GPR161: variants seen among roughly 807,000 people sequenced by gnomAD.
GPR161 encodes the protein G protein-coupled receptor 161.
Under a neutral mutation model 39.2 loss-of-function variants are expected in GPR161, and 25 were observed. The ratio of observed to expected loss-of-function variants is 0.64; its 90% CI spans 0.47 to 0.89. The LOEUF (loss-of-function observed/expected upper bound fraction) is 0.89, where lower values mean the gene tolerates loss of function less well. GPR161 is among the 40% of genes least tolerant of loss of function. The pLI is 0.00. For synonymous variants in GPR161, 286 were observed against 276.6 expected (o/e 1.03, Z -0.34); for missense variants, 547 against 677.8 (o/e 0.81, Z 2.14).
At position 168,132,214 on chromosome 1, in the gene GPR161, G is replaced by A. The variant is rs539705874; in HGVS notation, c.-45+4525C>T. ...CAGGAGGTGGATGTTGCAGTGAGCC[G>A]AGATCATGCCACTGCACTCCAGCCT... On this transcript the variant is annotated intron_variant, in intron 1 of 5. Coordinates refer to ENST00000682931, the MANE Select transcript of GPR161 (RefSeq NM_001375883.1). Among the ~76,000 whole-genome samples, 72 of 152,152 alleles carry A rather than the reference G, an allele frequency of 4.7e-4. No homozygotes were observed. In the East Asian group the frequency reaches 4.8e-3, roughly 10 times the overall value.
At chr1:168,124,176 A>G (rs978796559) in intron 1 of GPR161, among the ~76,000 whole-genome samples, 2 of 152,148 alleles carry the variant, frequency 1.3e-5, no homozygotes, top group African/African-American at 4.8e-5. Context: ...CACTGCTGCA[A>G]CCCTAACTTG....
At chr1:168,132,048 G>A (rs1019610481) in intron 1 of GPR161, among the ~76,000 whole-genome samples, 10 of 152,122 alleles carry the variant, frequency 6.6e-5, no homozygotes, top group African/African-American at 2.2e-4. Context: ...GCAAATCCCC[G>A]GAGGTCAGGA....
chr1:168,116,244 T>G (rs559037899), intron 1 of GPR161, among the ~76,000 whole-genome samples: 1 of 152,318 alleles, frequency 6.6e-6, no homozygotes, highest in Non-Finnish European at 1.5e-5. Flanking sequence ...CTGACCAGCC[T>G]GCAGCACTGG....
At chr1:168,102,228 G>C (rs181491634) in intron 2 of GPR161, among the ~76,000 whole-genome samples, 248 of 152,322 alleles carry the variant, frequency 1.6e-3, no homozygotes, top group African/African-American at 5.5e-3. Context: ...CAGTCAGAAG[G>C]GGCCTCTCCA....
chr1:168,114,176 C>T (rs1341858136), intron 1 of GPR161, among the ~76,000 whole-genome samples: 1 of 152,080 alleles, frequency 6.6e-6, no homozygotes, highest in African/African-American at 2.4e-5. Context: ...TTTGTGGTCT[C>T]ATATTTTTAC....
chr1:168,104,562 C>T lies in GPR161; in HGVS notation c.289G>A (p.Val97Ile). Residue 97 changes from valine (V) to isoleucine (I), a missense_variant, in exon 2 of 6, where the codon GTA (valine) becomes ATA (isoleucine). Physicochemically the swap from Val to Ile is conservative, Grantham distance 29 (BLOSUM62 3). Transcript: ENST00000682931. ...SSIRREWIFG[V>I]VWCNFSALLY... Reference sequence around the variant, plus strand: ...AGGGCAGAGAAGTTGCACCACACTACACCAAAGATCCATTCCCTGCGGATG... The same window carrying T: ...AGGGCAGAGAAGTTGCACCACACTATACCAAAGATCCATTCCCTGCGGATG... The T allele has an allele frequency of 6.2e-7, 1 of 1,614,032 alleles. No individual in the cohort carries two copies. Among genetic ancestry groups the T allele is most frequent in the Non-Finnish European group, 8.5e-7 (1 of 1,179,910 alleles).
intron 1 of GPR161, among the ~76,000 whole-genome samples, chr1:168,122,184 G>A (rs61316343): frequency 0.014 from 2,197 of 151,934 alleles, 55 homozygotes; most frequent in African/African-American, 0.05. Context: ...CTCATTCCAC[G>A]CGTGCCATCC....
rs1315771476 is a variant in GPR161, at chr1:168,104,973, TA to T, written c.-44-80del. 3.6e-6 allele frequency: 4 copies of T among 1,123,682 alleles called. No homozygotes were observed. In the African/African-American group the frequency reaches 4.6e-5, roughly 13 times the overall value. The allele number at this position is 1,123,682 out of a possible 1,614,324, so 69.6% of individuals were successfully genotyped here. A position where few individuals can be genotyped will look rare whatever the true frequency, so the allele number is the denominator to read the frequency against. On this transcript the variant is annotated intron_variant, in intron 1 of 5. Coordinates refer to ENST00000682931, the MANE Select transcript of GPR161 (RefSeq NM_001375883.1). ...GTCTCCACCTTAGGGAAGAAAGGCTTAAAGGGGTTAAGTGCTACGCCTCAGA... is the reference window on the plus strand; with the variant it reads ...GTCTCCACCTTAGGGAAGAAAGGCTTAAGGGGTTAAGTGCTACGCCTCAGA...
At position 168,084,587 on chromosome 1, in the gene GPR161, C is replaced by G. The variant is rs1572225053; in HGVS notation, c.*944G>C. ...GTAACTGTTGCTCTTGGGAGTGTGC[C>G]ATGCAGAACTGAGGCCAGCTATTTT... On this transcript the variant is annotated 3_prime_UTR_variant, in exon 6 of 6. Transcript: ENST00000682931. 1 of 357,608 alleles carries G rather than the reference C, an allele frequency of 2.8e-6. No individual in the cohort carries two copies. The highest frequency in any genetic ancestry group is 7.4e-5 in the East Asian group (1 of 13,562). 22.2% of individuals were successfully genotyped at this position (357,608 alleles called of 1,614,324 possible).
chr1:168,103,585 G>A (rs1279933193), intron 2 of GPR161, among the ~76,000 whole-genome samples: 1 of 152,126 alleles, frequency 6.6e-6, no homozygotes, highest in Non-Finnish European at 1.5e-5. Context: ...CTCATCGACT[G>A]AAAAACTGAC....
In GPR161 at chr1:168,096,644, G is replaced by C; in HGVS notation, c.963C>G (p.Pro321=). 1 of 1,614,204 alleles carries C rather than the reference G, an allele frequency of 6.2e-7. No homozygotes were observed. The highest frequency in any genetic ancestry group is 2.2e-5 in the East Asian group (1 of 44,884). Residue 321 remains proline, a synonymous_variant, in exon 3 of 6, where the codon CCC becomes CCG. Transcript: ENST00000682931. Reference sequence around the variant, plus strand: ...TCTTGTTCCAGAGTCCATAGATCAGGGGGTGGCAGACAGCGCTGGCAAAGG... The same window carrying C: ...TCTTGTTCCAGAGTCCATAGATCAGCGGGTGGCAGACAGCGCTGGCAAAGG... ...WLSFASAVCH[P]LIYGLWNKTV...
Position 168,136,442 on chromosome 1 carries a change from C to G in GPR161, c.-45+297G>C, listed in dbSNP as rs559312333. ...TTCGGGCGGCGCCGGAGAAACGGGG[C>G]GGGCTGCACCCAGCAGAATGGGGTG... On this transcript the variant is annotated intron_variant, in intron 1 of 5. Transcript: ENST00000682931. 5 of 1,328,862 alleles carry G rather than the reference C, an allele frequency of 3.8e-6. No homozygotes were observed. The African/African-American group carries it at 6.1e-5, about 16-fold the overall frequency. The allele number at this position is 1,328,862 out of a possible 1,614,324, so 82.3% of individuals were successfully genotyped here.
chr1:168,110,572 GAAAAGAAAAGAAAAGAAAAGAAAA>G (rs1697070335), intron 1 of GPR161, among the ~76,000 whole-genome samples: 1 of 115,982 alleles, frequency 8.6e-6, no homozygotes, highest in African/African-American at 3.8e-5. Context: ...GAAAAGAAAA[GAAAAGAAAAGAAAAGAAAAGAAAA>G]GAGACAATAA....
chr1:168,129,747 T>A (rs1698849103), intron 1 of GPR161, among the ~76,000 whole-genome samples: 1 of 152,226 alleles, frequency 6.6e-6, no homozygotes, highest in Non-Finnish European at 1.5e-5. Flanking sequence ...TTACCCATAG[T>A]CATAGACCTA....
At chr1:168,123,581 T>TACACACACACACAC (rs1558135120) in intron 1 of GPR161, among the ~76,000 whole-genome samples, 19 of 119,936 alleles carry the variant, frequency 1.6e-4, no homozygotes, top group African/African-American at 6.1e-4. Flanking sequence ...CACACACACT[T>TACACACACACACAC]GTTTGCATGG....
At position 168,105,904 on chromosome 1, in the gene GPR161, G is replaced by A. The variant is rs147542441; in HGVS notation, c.-44-1010C>T. The stretch of plus-strand genomic sequence containing the variant: ...AAAGAAAGGAAAGATCGCTTTCCAC[G>A]ATCAAGACAAAAACTCTGCTGCCTA... On this transcript the variant is annotated intron_variant, in intron 1 of 5. Transcript: ENST00000682931. Among the ~76,000 whole-genome samples, 313 of 152,284 alleles carry A rather than the reference G, an allele frequency of 2.1e-3. 1 individual carries two copies. Among genetic ancestry groups the A allele is most frequent in the African/African-American group, 7.2e-3 (300 of 41,558 alleles).
chr1:168,100,422 C>T (rs2050175), intron 2 of GPR161, among the ~76,000 whole-genome samples: 150,348 of 152,244 alleles, frequency 0.99, 74,238 homozygotes, highest in East Asian at 1. Flanking sequence ...AGGGGTTTTC[C>T]TTTGCTCTCT....
intron 2 of GPR161, among the ~76,000 whole-genome samples, chr1:168,100,966 C>T (rs568596257): frequency 9.2e-5 from 14 of 152,182 alleles, no homozygotes; most frequent in African/African-American, 2.2e-4. Context: ...GTCCCCAGCA[C>T]GCCCTACTTT....
chr1:168,121,333 C>A (rs566227177), intron 1 of GPR161, among the ~76,000 whole-genome samples: 32 of 152,262 alleles, frequency 2.1e-4, no homozygotes, highest in Middle Eastern at 3.4e-3. Flanking sequence ...GTGAATCAAC[C>A]CCCTCTGCAG....
Sources: allele counts gnomAD v4.1 joint callset (sites outside exome capture counted in the v4.1 genomes callset), GRCh38; gene constraint gnomAD v4.1.1; transcripts MANE v1.5; gene names NCBI Gene and HGNC (gene_info 2026-07-23, HGNC 2026-07-21).